Variants in TMTC2 observed in about 807,000 individuals in gnomAD.
The protein encoded by TMTC2 is transmembrane O-mannosyltransferase targeting cadherins 2.
A neutral mutation model predicts 82.4 loss-of-function variants in TMTC2; 43 were observed. The observed-to-expected ratio is 0.52, with a 90% CI of 0.41 to 0.67. TMTC2 has a LOEUF of 0.67. TMTC2 is among the 30% of genes least tolerant of loss of function. TMTC2 has a pLI of 0.00. For missense variants in TMTC2, 919 were observed against 1,012.4 expected, an observed-to-expected ratio of 0.91 and a Z score of 1.25; for synonymous variants, 408 against 381.9, an observed-to-expected ratio of 1.07 and a Z score of -0.80.
intron 1 of TMTC2, among the ~76,000 whole-genome samples, chr12:82,811,669 T>C (rs1187054798): frequency 6.6e-6 from 1 of 151,940 alleles, no homozygotes; most frequent in Non-Finnish European, 1.5e-5. Flanking sequence ...TGATAAGAGC[T>C]GGTATAAGTT....
chr12:82,881,106 A>C (rs902139965), intron 2 of TMTC2, among the ~76,000 whole-genome samples: 4 of 152,254 alleles, frequency 2.6e-5, no homozygotes, highest in Non-Finnish European at 5.9e-5. Flanking sequence ...AGATAGTACT[A>C]TAATGATAGC....
intron 1 of TMTC2, among the ~76,000 whole-genome samples, chr12:82,774,862 G>GTT (rs1877505106): frequency 6.6e-6 from 1 of 151,884 alleles, no homozygotes; most frequent in Admixed American, 6.6e-5. Context: ...TTTTTCTGCA[G>GTT]TTTGCTCACA....
chr12:82,810,811 G>A (rs11115437), intron 1 of TMTC2, among the ~76,000 whole-genome samples: 20,529 of 152,002 alleles, frequency 0.14, 1,655 homozygotes, highest in African/African-American at 0.21. Flanking sequence ...TTTATAAGGT[G>A]CTCTTCCCCC....
In TMTC2 at chr12:82,857,315, C is replaced by T. The variant is rs950129157; in HGVS notation, c.389C>T (p.Thr130Met). The change falls in exon 2 of 12, where the codon ACG becomes ATG. Residue 130 changes from threonine to methionine, a missense_variant. By Grantham distance (81) the Thr-to-Met change is moderately conservative. Coordinates refer to ENST00000321196, the MANE Select transcript of TMTC2 (RefSeq NM_152588.3). ...GLMFASHPIH[T>M]EAVAGIVGRA... ...ATGTTTGCTTCTCACCCCATTCACA[C>T]GGAGGCAGTGGCAGGAATCGTGGGA... 1.2e-6 allele frequency: 2 copies of T among 1,614,152 alleles called. No individual in the cohort carries two copies. Among genetic ancestry groups the T allele is most frequent in the Non-Finnish European group, 8.5e-7 (1 of 1,180,032 alleles).
intron 11 of TMTC2, among the ~76,000 whole-genome samples, chr12:83,108,586 C>T (rs903425841): frequency 4.6e-5 from 7 of 150,860 alleles, no homozygotes; most frequent in South Asian, 2.1e-4. Flanking sequence ...GCCAAGATCG[C>T]GCGACTGCAC....
intron 1 of TMTC2, among the ~76,000 whole-genome samples, chr12:82,826,260 T>A (rs7315531): frequency 6.6e-6 from 1 of 152,016 alleles, no homozygotes; most frequent in African/African-American, 2.4e-5. Flanking sequence ...CTTCTTATGG[T>A]GAGTTTAGAT....
chr12:82,975,882 G>T (rs1878645006), intron 7 of TMTC2, among the ~76,000 whole-genome samples: 1 of 78,464 alleles, frequency 1.3e-5, no homozygotes. Context: ...CCTTTCTCTG[G>T]TATAAACTTT....
chr12:83,049,619 A>C (rs7302484), intron 9 of TMTC2, among the ~76,000 whole-genome samples: 1 of 152,186 alleles, frequency 6.6e-6, no homozygotes, highest in African/African-American at 2.4e-5. Context: ...TGTTAACAAT[A>C]AACATATACA....
At chr12:82,860,751 T>A (rs754657534) in intron 2 of TMTC2, among the ~76,000 whole-genome samples, 22 of 152,260 alleles carry the variant, frequency 1.4e-4, no homozygotes, top group Non-Finnish European at 2.4e-4. Flanking sequence ...GCCAGTAGTC[T>A]CTACACATAG....
chr12:83,054,937 T>A (rs1187244425), intron 10 of TMTC2, among the ~76,000 whole-genome samples: 1 of 152,052 alleles, frequency 6.6e-6, no homozygotes, highest in Non-Finnish European at 1.5e-5. Flanking sequence ...TGCTATTTTG[T>A]GCAGCAACAA....
chr12:82,896,204 G>T lies in TMTC2; in HGVS notation c.1041G>T (p.Gln347His), dbSNP rs114940214. Residue 347 changes from glutamine (Q) to histidine (H), a missense_variant, in exon 3 of 12, where the codon CAG (glutamine) becomes CAT (histidine). Coordinates refer to ENST00000321196, the MANE Select transcript of TMTC2 (RefSeq NM_152588.3). ...GGAAAACTGTAACAAATGGCAAGCAGAATGCAAATGGACATAGCTGCCTTT... is the reference window on the plus strand; with the variant it reads ...GGAAAACTGTAACAAATGGCAAGCATAATGCAAATGGACATAGCTGCCTTT... ...CNGKTVTNGK[Q>H]NANGHSCLSD... The T allele has an allele frequency of 2.0e-4, 320 of 1,614,024 alleles. 3 individuals carry two copies. In the African/African-American group the frequency reaches 3.8e-3, roughly 19 times the overall value.
At chr12:82,713,874 CTT>C (rs1272538682) in intron 1 of TMTC2, among the ~76,000 whole-genome samples, 1 of 152,214 alleles carries the variant, frequency 6.6e-6, no homozygotes, top group East Asian at 1.9e-4. Context: ...GGCTCTGAAA[CTT>C]TTGTAGAGTT....
At chr12:83,015,209 A>G (rs917305012) in intron 8 of TMTC2, among the ~76,000 whole-genome samples, 3 of 152,234 alleles carry the variant, frequency 2.0e-5, no homozygotes, top group Non-Finnish European at 2.9e-5. Context: ...ATGGCATGAC[A>G]CTACATACCC....
intron 1 of TMTC2, among the ~76,000 whole-genome samples, chr12:82,853,631 A>G (rs1230267931): frequency 1.3e-5 from 2 of 152,168 alleles, no homozygotes; most frequent in Non-Finnish European, 2.9e-5. Flanking sequence ...AACTAATAGC[A>G]TGTAGAAATC....
At chr12:83,095,866 C>A (rs1001650002) in intron 11 of TMTC2, among the ~76,000 whole-genome samples, 2 of 152,198 alleles carry the variant, frequency 1.3e-5, no homozygotes, top group African/African-American at 4.8e-5. Context: ...TTAACAAGAT[C>A]TTTTATCTTC....
chr12:82,702,175 T>C (rs1873119018), intron 1 of TMTC2, among the ~76,000 whole-genome samples: 1 of 152,202 alleles, frequency 6.6e-6, no homozygotes, highest in South Asian at 2.1e-4. Flanking sequence ...ATTGCCACAC[T>C]TACAGTGGAA....
Position 82,687,487 on chromosome 12 carries a change from G to T in TMTC2, c.-100G>T. The T allele has an allele frequency of 8.7e-7, 1 of 1,153,612 alleles. No homozygotes were observed. Among genetic ancestry groups the T allele is most frequent in the South Asian group, 1.4e-5 (1 of 72,178 alleles). 71.5% of individuals were successfully genotyped at this position (1,153,612 alleles called of 1,614,324 possible). A position where few individuals can be genotyped will look rare whatever the true frequency, so the allele number is the denominator to read the frequency against. ...GGGAAGCGAGGGAAAAGTGAAGCTG[G>T]GAGGAGAAGGCGGCGGAAGGTGGAG... On this transcript the variant is annotated 5_prime_UTR_variant, in exon 1 of 12. Transcript: ENST00000321196.
intron 1 of TMTC2, among the ~76,000 whole-genome samples, chr12:82,770,692 G>T (rs1877245417): frequency 6.6e-6 from 1 of 152,036 alleles, no homozygotes; most frequent in South Asian, 2.1e-4. Context: ...TCCCTGTGTT[G>T]CCCAGGCCAG....
At chr12:83,109,235 C>T (rs1286572113) in intron 11 of TMTC2, among the ~76,000 whole-genome samples, 1 of 152,116 alleles carries the variant, frequency 6.6e-6, no homozygotes, top group Non-Finnish European at 1.5e-5. Flanking sequence ...CTCAGGAAAC[C>T]TTCAATTATG....
Sources: gnomAD v4.1 joint callset for allele counts (sites outside exome capture counted in the v4.1 genomes callset) on GRCh38, gnomAD v4.1.1 for gene constraint, MANE v1.5 for transcripts, NCBI Gene and HGNC (gene_info 2026-07-23, HGNC 2026-07-21) for gene names.